CAB39L: variants seen among roughly 807,000 people sequenced by gnomAD.
CAB39L encodes the protein calcium binding protein 39 like.
Under a neutral mutation model 39.1 loss-of-function variants are expected in CAB39L, and 23 were observed. The ratio of observed to expected loss-of-function variants is 0.59; its 90% CI spans 0.42 to 0.83. The LOEUF (loss-of-function observed/expected upper bound fraction) is 0.83, where lower values mean the gene tolerates loss of function less well. Ranked by LOEUF, CAB39L falls within the 40% of genes least tolerant of loss-of-function variation. The pLI is 0.00. For missense variants in CAB39L, 366 were observed against 391.9 expected, an observed-to-expected ratio of 0.93 and a Z score of 0.56; for synonymous variants, 126 against 137.2, an observed-to-expected ratio of 0.92 and a Z score of 0.57.
chr13:49,383,258 GATA>G (rs760529166), intron 3 of CAB39L, among the ~76,000 whole-genome samples: 1 of 151,802 alleles, frequency 6.6e-6, no homozygotes, highest in Non-Finnish European at 1.5e-5. Context: ...CAAAGAAAGT[GATA>G]ATAATAATAA....
At chr13:49,389,507 G>A (rs1304525204) in intron 3 of CAB39L, among the ~76,000 whole-genome samples, 2 of 152,014 alleles carry the variant, frequency 1.3e-5, no homozygotes, top group Non-Finnish European at 2.9e-5. Context: ...TGGGTGTGGT[G>A]GCAGGCACCT....
chr13:49,387,846 T>G (rs1956398767), intron 3 of CAB39L, among the ~76,000 whole-genome samples: 1 of 152,186 alleles, frequency 6.6e-6, no homozygotes, highest in Non-Finnish European at 1.5e-5. Context: ...AGATGCAGAC[T>G]GGGAATCCCA....
At chr13:49,417,400 C>A (rs1957102664) in intron 3 of CAB39L, among the ~76,000 whole-genome samples, 1 of 152,132 alleles carries the variant, frequency 6.6e-6, no homozygotes, top group African/African-American at 2.4e-5. Context: ...GCCAGGCCAT[C>A]CAAAAACCCC....
At chr13:49,319,333 C>T (rs1954281573) in intron 10 of CAB39L, among the ~76,000 whole-genome samples, 1 of 152,074 alleles carries the variant, frequency 6.6e-6, no homozygotes, top group African/African-American at 2.4e-5. Flanking sequence ...ATGAACAAAA[C>T]ACCACACAAA....
At chr13:49,329,530 C>A (rs1456225750) in intron 10 of CAB39L, among the ~76,000 whole-genome samples, 2 of 49,890 alleles carry the variant, frequency 4.0e-5, no homozygotes, top group African/African-American at 2.1e-4. Context: ...CATATCTCTT[C>A]AATTAAAAAA....
intron 3 of CAB39L, among the ~76,000 whole-genome samples, chr13:49,424,589 G>A (rs74679483): frequency 1.3e-5 from 2 of 152,300 alleles, no homozygotes; most frequent in East Asian, 1.9e-4. Context: ...ATCAGTATTA[G>A]TTCATTAATT....
chr13:49,338,439 G>T (rs1954908700), intron 9 of CAB39L, among the ~76,000 whole-genome samples: 1 of 147,384 alleles, frequency 6.8e-6, no homozygotes, highest in Non-Finnish European at 1.5e-5. Context: ...CTCATAGGTG[G>T]GAATTGAACA....
intron 9 of CAB39L, among the ~76,000 whole-genome samples, chr13:49,332,538 T>C (rs1004029618): frequency 1.3e-5 from 2 of 152,286 alleles, no homozygotes; most frequent in South Asian, 2.1e-4. Context: ...ACATTTCCCC[T>C]GACTTTTATT....
chr13:49,347,077 C>A (rs1045083869), intron 7 of CAB39L, among the ~76,000 whole-genome samples: 2 of 151,866 alleles, frequency 1.3e-5, no homozygotes, highest in Non-Finnish European at 2.9e-5. Context: ...CCAAACAAAA[C>A]CCTTTGAAAC....
At chr13:49,327,420 TAGCCC>T (rs1954538570) in intron 10 of CAB39L, among the ~76,000 whole-genome samples, 1 of 152,168 alleles carries the variant, frequency 6.6e-6, no homozygotes, top group South Asian at 2.1e-4. Flanking sequence ...AATCCTGCCC[TAGCCC>T]ACTGAGTATC....
intron 3 of CAB39L, among the ~76,000 whole-genome samples, chr13:49,429,118 T>C (rs1384216194): frequency 6.6e-6 from 1 of 152,226 alleles, no homozygotes; most frequent in East Asian, 1.9e-4. Flanking sequence ...TATTATTATG[T>C]TAGCCCCACT....
chr13:49,416,178 A>G (rs1478055620), intron 3 of CAB39L, among the ~76,000 whole-genome samples: 1 of 152,210 alleles, frequency 6.6e-6, no homozygotes, highest in Non-Finnish European at 1.5e-5. Flanking sequence ...AGGTGCAACT[A>G]AACTGGGTTG....
chr13:49,335,773 G>C (rs1222864116), intron 9 of CAB39L, among the ~76,000 whole-genome samples: 1 of 152,076 alleles, frequency 6.6e-6, no homozygotes, highest in Non-Finnish European at 1.5e-5. Flanking sequence ...AAATTCCAAA[G>C]CTCTGTCACA....
At chr13:49,351,262 TTGTG>T (rs3035410) in intron 6 of CAB39L, 8,066 of 149,270 alleles carry the variant, frequency 0.054, 443 homozygotes, top group African/African-American at 0.14. Flanking sequence ...GGTGACTAAA[TTGTG>T]TGTGTGTGTG....
chr13:49,362,431 G>C (rs60948185), intron 5 of CAB39L, among the ~76,000 whole-genome samples: 2,149 of 152,102 alleles, frequency 0.014, 49 homozygotes, highest in African/African-American at 0.047. Context: ...AGAAATTCTA[G>C]AGTTGAAAAT....
rs532623410 is a variant in CAB39L, at chr13:49,395,812, T to C, written c.-31-12871A>G. Among the ~76,000 whole-genome samples, 3 of 151,844 alleles carry C rather than the reference T, an allele frequency of 2.0e-5. No homozygotes were observed. The South Asian group carries it at 6.2e-4, about 32-fold the overall frequency. On this transcript the variant is annotated intron_variant, in intron 3 of 10. Coordinates refer to ENST00000409308, the MANE Select transcript of CAB39L (RefSeq NM_001079670.3). ...AGTCATCTGAATATGTTCAGTGACA[T>C]AAATGGAAAGGAGAGTTGGCAGGGG...
intron 4 of CAB39L, among the ~76,000 whole-genome samples, chr13:49,377,862 A>G (rs1474093591): frequency 2.4e-5 from 2 of 83,700 alleles, no homozygotes. Context: ...CAGTCTGGAA[A>G]GTGAGGAGCG....
chr13:49,382,904 T>A lies in CAB39L; in HGVS notation c.7A>T (p.Lys3Ter). 5.0e-6 allele frequency: 8 copies of A among 1,585,542 alleles called. No homozygotes were observed. Among genetic ancestry groups the A allele is most frequent in the Non-Finnish European group, 6.9e-6 (8 of 1,156,344 alleles). Residue 3 changes from lysine (K) to a stop codon, truncating the protein, a stop_gained, in exon 4 of 11, where the codon AAA becomes TAA. Coordinates refer to ENST00000409308, the MANE Select transcript of CAB39L (RefSeq NM_001079670.3). LOFTEE classifies it high-confidence loss of function. MK[K>*]MPLFSKSHKN... ...TGTGATTTACTAAACAAAGGCATTT[T>A]TTTCATGTGTAGAAATCTCTTCTTC...
intron 3 of CAB39L, chr13:49,401,085 T>C (rs1375823888): frequency 6.6e-6 from 1 of 152,164 alleles, no homozygotes; most frequent in East Asian, 1.9e-4. Context: ...GTTTACCATA[T>C]TCCTTCCATT....
Sources: allele counts gnomAD v4.1 joint callset (sites outside exome capture counted in the v4.1 genomes callset), GRCh38; gene constraint gnomAD v4.1.1; transcripts MANE v1.5; gene names NCBI Gene and HGNC (gene_info 2026-07-23, HGNC 2026-07-21).